The following GRIP1 variants were observed in gnomAD, a reference collection of about 807,000 sequenced individuals.
GRIP1 encodes the protein glutamate receptor interacting protein 1, also known as glutamate receptor-interacting protein 1.
GRIP1 carries 45 observed loss-of-function variants against 129.9 expected under a neutral mutation model. That is an observed-to-expected ratio of 0.35 (90% CI 0.27 to 0.44). The LOEUF is 0.44. Among genes scored for constraint, GRIP1 ranks in the 20% least tolerant of loss-of-function variants. The probability of loss-of-function intolerance (pLI) is 1.00; values close to 1 mark genes in which losing one functional copy is unlikely to be tolerated. For missense variants in GRIP1, 1,196 were observed against 1,396.8 expected (o/e 0.86, Z 2.29); for synonymous variants, 530 against 520.8 (o/e 1.02, Z -0.24).
At chr12:66,833,932 G>A (rs564848368) in intron 1 of GRIP1, among the ~76,000 whole-genome samples, 3 of 152,242 alleles carry the variant, frequency 2.0e-5, no homozygotes, top group Admixed American at 6.5e-5. Flanking sequence ...CACTTTGGAA[G>A]GCCAAGGCGG....
At chr12:66,398,872 T>G (rs1203302067) in intron 16 of GRIP1, among the ~76,000 whole-genome samples, 5 of 152,012 alleles carry the variant, frequency 3.3e-5, no homozygotes, top group Non-Finnish European at 5.9e-5. Flanking sequence ...CTCTATGTTT[T>G]AAGGATCTCG....
chr12:66,810,430 T>C (rs1272323580), intron 1 of GRIP1, among the ~76,000 whole-genome samples: 1 of 152,078 alleles, frequency 6.6e-6, no homozygotes, highest in African/African-American at 2.4e-5. Context: ...TGGTGGTGCG[T>C]GCCTGTAATC....
chr12:66,690,887 C>T (rs933396179), intron 1 of GRIP1, among the ~76,000 whole-genome samples: 27 of 151,564 alleles, frequency 1.8e-4, no homozygotes, highest in Non-Finnish European at 7.4e-5. Context: ...GAGCTATGAT[C>T]CTGCCACTGC....
chr12:66,812,226 C>T (rs1052092804), intron 1 of GRIP1, among the ~76,000 whole-genome samples: 43 of 152,120 alleles, frequency 2.8e-4, no homozygotes, highest in Non-Finnish European at 1.2e-4. Flanking sequence ...TTCCACTTCC[C>T]GGGTTCAAGC....
At chr12:66,864,793 C>T (rs776485974) in intron 1 of GRIP1, among the ~76,000 whole-genome samples, 13 of 152,084 alleles carry the variant, frequency 8.5e-5, no homozygotes, top group Non-Finnish European at 1.6e-4. Context: ...AGATCAAATC[C>T]AGAAAATTAT....
chr12:66,485,647 C>T (rs1271304001), intron 7 of GRIP1, among the ~76,000 whole-genome samples: 5 of 151,796 alleles, frequency 3.3e-5, no homozygotes, highest in Middle Eastern at 3.2e-3. Context: ...ATAAAGTCAT[C>T]GTGATGCTCT....
rs1303091291 is a variant in GRIP1, at chr12:66,349,084, C to T, written c.3322G>A (p.Ala1108Thr). Residue 1108 changes from alanine (A) to threonine (T), a missense_variant, in exon 25 of 25, where the codon GCT (alanine) becomes ACT (threonine). By Grantham distance (58) the Ala-to-Thr change is moderately conservative. Transcript: ENST00000359742. Reference sequence around the variant, plus strand: ...CCGTGGCTAGGCTGCTGGAAAAAAGCACTGTTCTGTTCACTCCAATCTCCT... The same window carrying T: ...CCGTGGCTAGGCTGCTGGAAAAAAGTACTGTTCTGTTCACTCCAATCTCCT... ...LPGDWSEQNS[A>T]FFQQPSHGGN... is the part of the protein sequence containing the mutation. 16 of 1,614,026 alleles carry T rather than the reference C, an allele frequency of 9.9e-6. No individual in the cohort carries two copies. Among genetic ancestry groups the T allele is most frequent in the Non-Finnish European group, 1.4e-5 (16 of 1,180,006 alleles).
At chr12:66,816,931 C>T (rs183554330) in intron 1 of GRIP1, among the ~76,000 whole-genome samples, 2 of 152,184 alleles carry the variant, frequency 1.3e-5, no homozygotes, top group East Asian at 3.9e-4. Context: ...GGGTTTATAA[C>T]ATTTTAACCT....
chr12:66,696,466 C>T (rs1171405482), intron 1 of GRIP1, among the ~76,000 whole-genome samples: 1 of 151,928 alleles, frequency 6.6e-6, no homozygotes, highest in Non-Finnish European at 1.5e-5. Flanking sequence ...GTGGAACATA[C>T]TCAGCATGAA....
chr12:66,921,977 G>T (rs746868703), intron 1 of GRIP1, among the ~76,000 whole-genome samples: 7 of 152,140 alleles, frequency 4.6e-5, no homozygotes, highest in Non-Finnish European at 1.0e-4. Context: ...TTAGAAAAAG[G>T]GGAATGTTGC....
intron 7 of GRIP1, among the ~76,000 whole-genome samples, chr12:66,484,102 G>A (rs574695526): frequency 2.5e-4 from 38 of 151,956 alleles, no homozygotes; most frequent in Non-Finnish European, 5.0e-4. Context: ...CTCGTGATCC[G>A]CCCGCCTCGG....
At chr12:66,740,535 G>A (rs1051893396) in intron 1 of GRIP1, among the ~76,000 whole-genome samples, 4 of 152,106 alleles carry the variant, frequency 2.6e-5, no homozygotes, top group African/African-American at 7.2e-5. Context: ...CGCCAAAAGT[G>A]CTTTTAACTC....
At chr12:66,849,508 G>A (rs2039874682) in intron 1 of GRIP1, among the ~76,000 whole-genome samples, 1 of 151,934 alleles carries the variant, frequency 6.6e-6, no homozygotes, top group African/African-American at 2.4e-5. Context: ...CAACCTACTC[G>A]AGAAACTGAG....
chr12:66,723,331 G>T (rs1226682525), intron 1 of GRIP1, among the ~76,000 whole-genome samples: 2 of 44,704 alleles, frequency 4.5e-5, no homozygotes, highest in African/African-American at 1.8e-4. Flanking sequence ...TTTTTTTTTT[G>T]AGACAGAGTC....
At chr12:66,876,108 TAAAAC>T (rs2040378138) in intron 1 of GRIP1, among the ~76,000 whole-genome samples, 2 of 151,840 alleles carry the variant, frequency 1.3e-5, no homozygotes, top group African/African-American at 4.8e-5. Flanking sequence ...TATGAGCACT[TAAAAC>T]AAAAAAATCT....
At chr12:66,712,889 C>T (rs761749289) in intron 1 of GRIP1, among the ~76,000 whole-genome samples, 5 of 151,914 alleles carry the variant, frequency 3.3e-5, no homozygotes, top group East Asian at 1.9e-4. Flanking sequence ...CACTTCTAGG[C>T]GGTGAACTCA....
At position 66,462,926 on chromosome 12, in the gene GRIP1, T is replaced by C. The variant is rs2059176931; in HGVS notation, c.1040A>G (p.His347Arg). The C allele has an allele frequency of 1.9e-6, 3 of 1,612,388 alleles. No homozygotes were observed. The highest frequency in any genetic ancestry group is 1.3e-5 in the African/African-American group (1 of 74,836). Residue 347 changes from histidine (H) to arginine (R), a missense_variant and splice_region_variant, in exon 9 of 25, where the codon CAT (histidine) becomes CGT (arginine). Coordinates refer to ENST00000359742, the MANE Select transcript of GRIP1 (RefSeq NM_001366722.1). ...QTRLALKGPDHVKIQRSDRQL... is the reference protein window; with the variant it reads ...QTRLALKGPDRVKIQRSDRQL... ...TTGATCCAGGTGGACCATCTCACCA[T>C]GGTCGGGCCCCTTTAGGGCCAGCCG...
At chr12:66,362,838 A>T (rs1221469811) in intron 23 of GRIP1, among the ~76,000 whole-genome samples, 2 of 151,798 alleles carry the variant, frequency 1.3e-5, no homozygotes, top group Non-Finnish European at 2.9e-5. Context: ...GAGGCGTCTG[A>T]GTCTAGGGGA....
chr12:66,846,664 C>T (rs1436465595), intron 1 of GRIP1, among the ~76,000 whole-genome samples: 2 of 152,136 alleles, frequency 1.3e-5, no homozygotes, highest in Admixed American at 6.6e-5. Flanking sequence ...CAAAATCATC[C>T]AATAGTATAC....
Sources: allele counts gnomAD v4.1 joint callset (sites outside exome capture counted in the v4.1 genomes callset), GRCh38; gene constraint gnomAD v4.1.1; transcripts MANE v1.5; gene names NCBI Gene and HGNC (gene_info 2026-07-23, HGNC 2026-07-21).